SUGCT: variants seen among roughly 807,000 people sequenced by gnomAD.
SUGCT encodes the protein succinyl-CoA:glutarate CoA-transferase.
A neutral mutation model predicts 55.0 loss-of-function variants in SUGCT; 41 were observed. The ratio of observed to expected loss-of-function variants is 0.74; its 90% CI spans 0.58 to 0.97. The LOEUF is 0.97. Among genes scored for constraint, SUGCT ranks in the 50% least tolerant of loss-of-function variants. SUGCT has a pLI of 0.00. For synonymous variants in SUGCT, 187 were observed against 200.4 expected, an observed-to-expected ratio of 0.93 and a Z score of 0.56; for missense variants, 568 against 547.8, an observed-to-expected ratio of 1.04 and a Z score of -0.37.
chr7:40,732,816 G>A (rs977722721), intron 12 of SUGCT, among the ~76,000 whole-genome samples: 12 of 152,190 alleles, frequency 7.9e-5, no homozygotes, highest in African/African-American at 2.9e-4. Flanking sequence ...GATTGAAATT[G>A]TGAGCCAACA....
chr7:41,008,882 T>C, the SUGCT span, among the ~76,000 whole-genome samples: 1 of 152,174 alleles, frequency 6.6e-6, no homozygotes, highest in Non-Finnish European at 1.5e-5. Context: ...GAAGGGATGG[T>C]ATCTGGTCCC....
At chr7:40,964,415 C>T in the SUGCT span, among the ~76,000 whole-genome samples, 164 of 152,270 alleles carry the variant, frequency 1.1e-3, 1 homozygote, top group African/African-American at 3.5e-3. Flanking sequence ...TATTGATCAG[C>T]AAGAGACAAG....
chr7:40,837,369 A>G (rs115499006), intron 13 of SUGCT, among the ~76,000 whole-genome samples: 116 of 152,174 alleles, frequency 7.6e-4, no homozygotes, highest in African/African-American at 2.7e-3. Flanking sequence ...TTTTCTTCAA[A>G]TTTGTAGCTT....
Position 40,155,595 on chromosome 7 carries a change from T to C in SUGCT, c.100+20475T>C, listed in dbSNP as rs1783848691. Among the ~76,000 whole-genome samples, 3 of 152,186 alleles carry C rather than the reference T, an allele frequency of 2.0e-5. No individual in the cohort carries two copies. The South Asian group carries it at 6.2e-4, about 32-fold the overall frequency. On this transcript the variant is annotated intron_variant, in intron 1 of 13. Coordinates refer to ENST00000335693, the MANE Select transcript of SUGCT (RefSeq NM_001193313.2). ...ATGCTTCCAGTGGCTAGGGGCTATC[T>C]TCAAGTGACATTGTATACAGAAGAC...
intron 12 of SUGCT, among the ~76,000 whole-genome samples, chr7:40,520,131 G>A (rs1793449672): frequency 6.6e-6 from 1 of 152,100 alleles, no homozygotes; most frequent in Admixed American, 6.6e-5. Flanking sequence ...CGACTTAAGA[G>A]TTGACCATCA....
intron 12 of SUGCT, among the ~76,000 whole-genome samples, chr7:40,746,380 T>TGAAA (rs1308171265): frequency 2.6e-5 from 4 of 152,208 alleles, no homozygotes; most frequent in African/African-American, 9.6e-5. Flanking sequence ...TATGGAATTG[T>TGAAA]ATGGACTTCA....
At chr7:40,967,626 C>CTTT in the SUGCT span, among the ~76,000 whole-genome samples, 688 of 147,960 alleles carry the variant, frequency 4.6e-3, 4 homozygotes, top group African/African-American at 0.014. Context: ...GCAGTGAATT[C>CTTT]TTTTTTTTTT....
intron 9 of SUGCT, among the ~76,000 whole-genome samples, chr7:40,382,196 A>G (rs1485460628): frequency 6.6e-6 from 1 of 152,132 alleles, no homozygotes; most frequent in Non-Finnish European, 1.5e-5. Flanking sequence ...TTTTATGGGC[A>G]TGTGGCTTTT....
In SUGCT at chr7:40,486,807, C is replaced by A. The variant is rs1357768502; in HGVS notation, c.987-9477C>A. ...GTGGTATAATCATAGCTTACTATAA[C>A]CTCAAACTCCTGGGCTAAAGCGCTC... On this transcript the variant is annotated intron_variant, in intron 11 of 13. Coordinates refer to ENST00000335693, the MANE Select transcript of SUGCT (RefSeq NM_001193313.2). Among the ~76,000 whole-genome samples, 3 of 148,376 alleles carry A rather than the reference C, an allele frequency of 2.0e-5. No homozygotes were observed. The East Asian group carries it at 5.9e-4, about 29-fold the overall frequency.
intron 12 of SUGCT, among the ~76,000 whole-genome samples, chr7:40,641,619 C>T (rs1360330068): frequency 6.6e-6 from 1 of 152,160 alleles, no homozygotes; most frequent in African/African-American, 2.4e-5. Context: ...CGAGGAAAAC[C>T]AAACAAACCA....
At chr7:40,847,291 G>A (rs1793606059) in intron 13 of SUGCT, among the ~76,000 whole-genome samples, 1 of 152,134 alleles carries the variant, frequency 6.6e-6, no homozygotes, top group Admixed American at 6.5e-5. Flanking sequence ...AGGTACCCAG[G>A]CTGGTGGAAC....
the SUGCT span, among the ~76,000 whole-genome samples, chr7:41,000,218 G>A: frequency 4.6e-5 from 7 of 151,990 alleles, no homozygotes; most frequent in South Asian, 2.1e-4. Context: ...ACACACACAC[G>A]CATGGACATA....
the SUGCT span, among the ~76,000 whole-genome samples, chr7:40,937,960 C>G: frequency 6.6e-6 from 1 of 152,174 alleles, no homozygotes; most frequent in Non-Finnish European, 1.5e-5. Flanking sequence ...AAGGAGCACA[C>G]AACCTAGATC....
At chr7:40,302,506 G>A (rs1340685550) in intron 8 of SUGCT, among the ~76,000 whole-genome samples, 1 of 152,174 alleles carries the variant, frequency 6.6e-6, no homozygotes, top group African/African-American at 2.4e-5. Context: ...TGGAGTCTCT[G>A]CTCAGGTCTT....
chr7:40,337,901 C>A (rs937672227), intron 9 of SUGCT, among the ~76,000 whole-genome samples: 1 of 152,012 alleles, frequency 6.6e-6, no homozygotes, highest in Non-Finnish European at 1.5e-5. Context: ...TGTTCCTTTC[C>A]ATGTTTAGTG....
chr7:40,224,269 T>G (rs1788198575), intron 6 of SUGCT, among the ~76,000 whole-genome samples: 1 of 152,218 alleles, frequency 6.6e-6, no homozygotes, highest in Non-Finnish European at 1.5e-5. Flanking sequence ...TTAGATTCCA[T>G]GAAAATATAT....
chr7:40,578,308 C>T (rs1420261253), intron 12 of SUGCT, among the ~76,000 whole-genome samples: 1 of 152,190 alleles, frequency 6.6e-6, no homozygotes, highest in Non-Finnish European at 1.5e-5. Flanking sequence ...GTCTAACACA[C>T]TTGGCAGTAC....
chr7:40,205,237 A>G (rs966197167), intron 6 of SUGCT, among the ~76,000 whole-genome samples: 1 of 152,172 alleles, frequency 6.6e-6, no homozygotes, highest in Non-Finnish European at 1.5e-5. Flanking sequence ...CCTGGGCGAC[A>G]GAGCAAGACT....
chr7:40,172,959 A>G (rs543429869), intron 1 of SUGCT, among the ~76,000 whole-genome samples: 7 of 152,218 alleles, frequency 4.6e-5, no homozygotes, highest in Non-Finnish European at 1.0e-4. Flanking sequence ...AAGTGGTCCA[A>G]TATTACTCAC....
Sources: allele counts gnomAD v4.1 joint callset (sites outside exome capture counted in the v4.1 genomes callset), GRCh38; gene constraint gnomAD v4.1.1; transcripts MANE v1.5; gene names NCBI Gene and HGNC (gene_info 2026-07-23, HGNC 2026-07-21).